BANK1: variants seen among roughly 807,000 people sequenced by gnomAD.
BANK1 encodes B-cell scaffold protein with ankyrin repeats.
BANK1 carries 95 observed loss-of-function variants against 94.5 expected under a neutral mutation model. That is an observed-to-expected ratio of 1.00 (90% CI 0.85 to 1.19). The LOEUF (loss-of-function observed/expected upper bound fraction) is 1.19. Ranked by LOEUF, BANK1 falls within the 50% of genes most tolerant of loss-of-function variation. The pLI, the probability that BANK1 is intolerant of heterozygous loss-of-function variation, is 0.00. For missense variants in BANK1, 987 were observed against 932.2 expected (o/e 1.06, Z -0.77); for synonymous variants, 334 against 308.4 (o/e 1.08, Z -0.87).
chr4:102,005,060 G>A (rs891521055), intron 7 of BANK1, among the ~76,000 whole-genome samples: 2 of 151,946 alleles, frequency 1.3e-5, no homozygotes, highest in African/African-American at 4.8e-5. Context: ...ATGTTTCTGT[G>A]GCACGGCATT....
At chr4:101,955,894 G>A (rs920868778) in intron 7 of BANK1, among the ~76,000 whole-genome samples, 6 of 152,140 alleles carry the variant, frequency 3.9e-5, no homozygotes. Context: ...CAGTAGTGTA[G>A]TGCTTATTTA....
intron 7 of BANK1, among the ~76,000 whole-genome samples, chr4:101,931,071 C>T (rs911666588): frequency 1.8e-4 from 28 of 151,588 alleles, no homozygotes; most frequent in African/African-American, 6.3e-4. Context: ...TTATGGCTGT[C>T]ATGTACCTAA....
intron 3 of BANK1, among the ~76,000 whole-genome samples, chr4:101,856,588 A>T (rs183299094): frequency 1.3e-5 from 2 of 152,218 alleles, no homozygotes; most frequent in East Asian, 3.8e-4. Context: ...GCTGCTTTTA[A>T]AAATATCTGC....
At chr4:101,987,226 GT>G (rs1725537645) in intron 7 of BANK1, among the ~76,000 whole-genome samples, 1 of 151,822 alleles carries the variant, frequency 6.6e-6, no homozygotes, top group African/African-American at 2.4e-5. Context: ...AATCAGTCCA[GT>G]TAATTATAGA....
chr4:101,827,767 G>T (rs966501994), intron 1 of BANK1, among the ~76,000 whole-genome samples: 6 of 151,840 alleles, frequency 4.0e-5, no homozygotes, highest in African/African-American at 1.4e-4. Context: ...AAAATCAACA[G>T]TTCTTCACTT....
chr4:101,992,462 AT>A (rs906375550), intron 7 of BANK1, among the ~76,000 whole-genome samples: 4 of 152,060 alleles, frequency 2.6e-5, no homozygotes, highest in Admixed American at 2.6e-4. Context: ...TAAATTCAAA[AT>A]TTTTTTACCA....
At chr4:102,006,744 A>C (rs547332563) in intron 7 of BANK1, among the ~76,000 whole-genome samples, 1 of 151,922 alleles carries the variant, frequency 6.6e-6, no homozygotes, top group Admixed American at 6.6e-5. Context: ...ACAATCTTTC[A>C]TAAGATACGA....
chr4:102,026,199 C>T (rs1727091798), intron 9 of BANK1, among the ~76,000 whole-genome samples: 3 of 152,122 alleles, frequency 2.0e-5, no homozygotes, highest in African/African-American at 7.2e-5. Flanking sequence ...GAGGAGCTTC[C>T]ACATTAGGTT....
At chr4:101,907,086 G>A (rs1307315992) in intron 6 of BANK1, among the ~76,000 whole-genome samples, 3 of 152,158 alleles carry the variant, frequency 2.0e-5, no homozygotes, top group Non-Finnish European at 4.4e-5. Context: ...CGAAGGGATG[G>A]GCTGAATTAA....
chr4:101,830,103 T>C lies in BANK1; in HGVS notation c.366T>C (p.Asp122=). Residue 122 remains aspartate, a synonymous_variant, in exon 2 of 17, where the codon GAT becomes GAC. Coordinates refer to ENST00000322953, the MANE Select transcript of BANK1 (RefSeq NM_017935.5). ...TGCTTTGTGGAGTGAAGAGTTCAGA[T>C]CAGCTCTATGAATTACTAAATATCT... The part of the protein sequence containing the change: ...VTLLCGVKSS[D]QLYELLNISQ... 6.2e-7 allele frequency: 1 copy of C among 1,613,752 alleles called. No homozygotes were observed. Among genetic ancestry groups the C allele is most frequent in the African/African-American group, 1.3e-5 (1 of 75,032 alleles).
rs73836643 is a variant in BANK1, at chr4:101,916,431, A to G, written c.1010-1562A>G. Among the ~76,000 whole-genome samples the G allele has an allele frequency of 5.0e-3, 755 of 152,092 alleles. 4 individuals are homozygous for G. Among genetic ancestry groups the G allele is most frequent in the African/African-American group, 0.017 (689 of 41,532 alleles). ...ATGGTCATGAATTTCCAGTTTTAAT[A>G]CTCATCTTACTGTTAAATTCTTGTT... is the stretch of plus-strand genomic sequence containing the variant. On this transcript the variant is annotated intron_variant, in intron 6 of 16. Transcript: ENST00000322953.
chr4:101,903,226 C>G (rs1285569157), intron 6 of BANK1, among the ~76,000 whole-genome samples: 1 of 152,134 alleles, frequency 6.6e-6, no homozygotes, highest in Non-Finnish European at 1.5e-5. Context: ...TAGTTAATTT[C>G]AAAACCTGAA....
Position 101,829,987 on chromosome 4 carries a change from A to G in BANK1, c.250A>G (p.Ile84Val). Residue 84 changes from isoleucine (I) to valine (V), a missense_variant, in exon 2 of 17, where the codon ATA (isoleucine) becomes GTA (valine). Ile to Val is a conservative substitution (Grantham distance 29). Coordinates refer to ENST00000322953, the MANE Select transcript of BANK1 (RefSeq NM_017935.5). ...AACGTCTTACAAATGTAAACTTTTG[A>G]TATTATCAAATAGCCTGCTTAGAGA... ...NLTSYKCKLL[I>V]LSNSLLRDLT... is the part of the protein sequence containing the mutation. The G allele has an allele frequency of 1.2e-6, 2 of 1,613,352 alleles. No individual in the cohort carries two copies. The highest frequency in any genetic ancestry group is 1.7e-6 in the Non-Finnish European group (2 of 1,179,762).
chr4:101,800,890 TGG>T (rs1272362570), intron 1 of BANK1, among the ~76,000 whole-genome samples: 1 of 152,212 alleles, frequency 6.6e-6, no homozygotes, highest in Admixed American at 6.5e-5. Context: ...CTCAGATAGC[TGG>T]GATTACAGGC....
chr4:102,015,638 A>G (rs1726672099), intron 7 of BANK1, among the ~76,000 whole-genome samples: 1 of 152,206 alleles, frequency 6.6e-6, no homozygotes, highest in African/African-American at 2.4e-5. Context: ...TGTAAACAAT[A>G]GTACTGGTTA....
chr4:102,017,471 G>A lies in BANK1; in HGVS notation c.1207-4043G>A, dbSNP rs995659379. Among the ~76,000 whole-genome samples, 3 of 152,334 alleles carry A rather than the reference G, an allele frequency of 2.0e-5. No individual in the cohort carries two copies. The East Asian group carries it at 5.8e-4, about 29-fold the overall frequency. On this transcript the variant is annotated intron_variant, in intron 7 of 16. Transcript: ENST00000322953. ...TCAGCACTGGGACCAGGGGTCCTAT[G>A]GGTCACCACCACCAGAGGTCAGCTG...
At chr4:102,028,798 C>T (rs1308194781) in intron 9 of BANK1, among the ~76,000 whole-genome samples, 2 of 151,880 alleles carry the variant, frequency 1.3e-5, no homozygotes, top group African/African-American at 4.8e-5. Flanking sequence ...ACTCTGAAAC[C>T]TATAATTTTA....
At chr4:101,995,515 C>A (rs990706801) in intron 7 of BANK1, among the ~76,000 whole-genome samples, 2 of 151,622 alleles carry the variant, frequency 1.3e-5, no homozygotes, top group African/African-American at 4.8e-5. Context: ...CCTGAGGAAT[C>A]GCCACACTGA....
intron 9 of BANK1, among the ~76,000 whole-genome samples, chr4:102,027,273 T>G (rs1727136058): frequency 6.6e-6 from 1 of 152,192 alleles, no homozygotes; most frequent in Non-Finnish European, 1.5e-5. Context: ...TGTTAATTTC[T>G]ATATATGGTA....
Sources: gnomAD v4.1 joint callset for allele counts (sites outside exome capture counted in the v4.1 genomes callset) on GRCh38, gnomAD v4.1.1 for gene constraint, MANE v1.5 for transcripts, NCBI Gene and HGNC (gene_info 2026-07-23, HGNC 2026-07-21) for gene names.